PIGL: variants seen among roughly 807,000 people sequenced by gnomAD.
PIGL encodes the protein phosphatidylinositol glycan anchor biosynthesis class L.
PIGL carries 22 observed loss-of-function variants against 31.1 expected under a neutral mutation model. The observed-to-expected ratio is 0.71, with a 90% CI of 0.51 to 1.01. PIGL has a LOEUF of 1.01. Ranked by LOEUF, PIGL falls within the 50% of genes least tolerant of loss-of-function variation. The pLI is 0.00. For missense variants in PIGL, 302 were observed against 315.9 expected (o/e 0.96, Z 0.33); for synonymous variants, 131 against 117.4 (o/e 1.12, Z -0.75).
intron 4 of PIGL, 121 bp downstream of exon 4, chr17:16,313,735 A>G: frequency 1.2e-6 from 1 of 801,746 alleles, no homozygotes; most frequent in East Asian, 2.5e-5. Flanking sequence ...CTGCTGGCTT[A>G]TCTTCTAGCC....
intron 3 of PIGL, among the ~76,000 whole-genome samples, chr17:16,311,467 C>CTTGTTTTTTTTTTTTTT (rs2093049564): frequency 5.3e-5 from 1 of 18,974 alleles, no homozygotes; most frequent in African/African-American, 2.9e-4. Context: ...GGTTTTCTTT[C>CTTGTTTTTTTTTTTTTT]TTTTTTTTTT....
At chr17:16,283,257 C>T (rs1466500801) in intron 2 of PIGL, among the ~76,000 whole-genome samples, 1 of 152,116 alleles carries the variant, frequency 6.6e-6, no homozygotes, top group African/African-American at 2.4e-5. Context: ...CCAGTCTCAG[C>T]CTCCCAAAGT....
At chr17:16,246,968 C>T (rs1305950164) in intron 2 of PIGL, among the ~76,000 whole-genome samples, 5 of 152,002 alleles carry the variant, frequency 3.3e-5, no homozygotes, top group Non-Finnish European at 7.4e-5. Flanking sequence ...GGATTACAGG[C>T]GTGAGCCACC....
rs571780698 is a variant in PIGL, at chr17:16,237,492, G to A, written c.335+3422G>A. On this transcript the variant is annotated intron_variant, in intron 2 of 6. Transcript: ENST00000225609. Reference sequence around the variant, plus strand: ...TAATATTTCAGGGGTTTTGTTTAACGTCATTGATATTTACAATGGAATCTC... The same window carrying A: ...TAATATTTCAGGGGTTTTGTTTAACATCATTGATATTTACAATGGAATCTC... Among the ~76,000 whole-genome samples, 13 of 151,336 alleles carry A rather than the reference G, an allele frequency of 8.6e-5. No homozygotes were observed. In the East Asian group the frequency reaches 2.3e-3, roughly 27 times the overall value.
chr17:16,320,417 GAGGA>G (rs1392145364), intron 6 of PIGL, among the ~76,000 whole-genome samples: 3 of 122,468 alleles, frequency 2.4e-5, no homozygotes, highest in South Asian at 3.0e-4. Flanking sequence ...GAAAAGGAGA[GAGGA>G]AGGAAGGGAG....
At chr17:16,261,422 G>T (rs897243492) in intron 2 of PIGL, among the ~76,000 whole-genome samples, 3 of 152,096 alleles carry the variant, frequency 2.0e-5, no homozygotes, top group Middle Eastern at 3.2e-3. Flanking sequence ...AGATAAATTG[G>T]ACTTTGTCAA....
intron 2 of PIGL, among the ~76,000 whole-genome samples, chr17:16,259,806 C>T (rs1469641669): frequency 6.6e-6 from 1 of 152,102 alleles, no homozygotes; most frequent in African/African-American, 2.4e-5. Context: ...CAGGCGGGAG[C>T]CCTACTCCCT....
In PIGL at chr17:16,293,420, C is replaced by T. The variant is rs557223517; in HGVS notation, c.336-6468C>T. 8.5e-5 allele frequency among the ~76,000 whole-genome samples: 13 copies of T among 152,270 alleles called. No homozygotes were observed. In the East Asian group the frequency reaches 2.3e-3, roughly 27 times the overall value. On this transcript the variant is annotated intron_variant, in intron 2 of 6. Transcript: ENST00000225609. ...GCGGGCGCCTGTAGTCCCAGCTACT[C>T]GGGTGGCTGAGGCAGGAGAATGGCG...
At chr17:16,292,827 C>G (rs2092966614) in intron 2 of PIGL, among the ~76,000 whole-genome samples, 1 of 152,176 alleles carries the variant, frequency 6.6e-6, no homozygotes, top group Non-Finnish European at 1.5e-5. Flanking sequence ...CTCTGTCTGG[C>G]TTCATACCTA....
chr17:16,226,367 C>A (rs897416817), intron 1 of PIGL, among the ~76,000 whole-genome samples: 3 of 152,164 alleles, frequency 2.0e-5, no homozygotes, highest in Non-Finnish European at 4.4e-5. Flanking sequence ...TATGGTATAT[C>A]CATGTGACCT....
At chr17:16,300,241 T>C in intron 3 of PIGL, 4 of 411,596 alleles carry the variant, frequency 9.7e-6, no homozygotes. Context: ...CTAAACTGTG[T>C]CCTCCTTAAC....
chr17:16,322,121 T>G (rs1443546804), intron 6 of PIGL, among the ~76,000 whole-genome samples: 1 of 151,150 alleles, frequency 6.6e-6, no homozygotes, highest in Non-Finnish European at 1.5e-5. Context: ...TGAGACAGAG[T>G]CTTGCTCTGT....
At chr17:16,309,029 G>A (rs112631778) in intron 3 of PIGL, among the ~76,000 whole-genome samples, 9 of 152,270 alleles carry the variant, frequency 5.9e-5, no homozygotes, top group South Asian at 2.1e-4. Context: ...GGGGTCAAGC[G>A]ATCCTCCTAC....
intron 2 of PIGL, among the ~76,000 whole-genome samples, chr17:16,277,226 T>G (rs2092899712): frequency 6.6e-6 from 1 of 152,224 alleles, no homozygotes; most frequent in Non-Finnish European, 1.5e-5. Context: ...GGAAAGAGTG[T>G]CATTCCAGTC....
intron 1 of PIGL, among the ~76,000 whole-genome samples, chr17:16,219,596 C>G (rs190809906): frequency 2.5e-3 from 375 of 151,108 alleles, no homozygotes; most frequent in Non-Finnish European, 3.8e-3. Context: ...GAGATGGAGT[C>G]TCACTCTGTC....
At chr17:16,241,996 C>G (rs1007517054) in intron 2 of PIGL, among the ~76,000 whole-genome samples, 7 of 152,028 alleles carry the variant, frequency 4.6e-5, no homozygotes, top group African/African-American at 1.7e-4. Flanking sequence ...CTGACTCTTT[C>G]CATAAATGAA....
intron 1 of PIGL, among the ~76,000 whole-genome samples, chr17:16,224,777 C>T (rs2092644732): frequency 6.6e-6 from 1 of 152,330 alleles, no homozygotes; most frequent in South Asian, 2.1e-4. Context: ...CTGCCTCAGC[C>T]TCCCAAATAG....
intron 1 of PIGL, among the ~76,000 whole-genome samples, chr17:16,228,357 G>GATTTT (rs910649544): frequency 6.6e-6 from 1 of 151,566 alleles, no homozygotes; most frequent in African/African-American, 2.4e-5. Flanking sequence ...TGCGCCCAGC[G>GATTTT]ATTTTATTTT....
chr17:16,248,495 T>C (rs1162264924), intron 2 of PIGL, among the ~76,000 whole-genome samples: 1 of 152,196 alleles, frequency 6.6e-6, no homozygotes, highest in Non-Finnish European at 1.5e-5. Context: ...CTCATTTTTC[T>C]CTGAGACCCC....
Sources: allele counts gnomAD v4.1 joint callset (sites outside exome capture counted in the v4.1 genomes callset), GRCh38; gene constraint gnomAD v4.1.1; transcripts MANE v1.5; gene names NCBI Gene and HGNC (gene_info 2026-07-23, HGNC 2026-07-21).